MAP3K13: variants seen among roughly 807,000 people sequenced by gnomAD.
MAP3K13 encodes the protein mitogen-activated protein kinase kinase kinase 13.
Under a neutral mutation model 104.0 loss-of-function variants are expected in MAP3K13, and 52 were observed. That is an observed-to-expected ratio of 0.50 (90% CI 0.40 to 0.63). The LOEUF (loss-of-function observed/expected upper bound fraction) is 0.63. Among genes scored for constraint, MAP3K13 ranks in the 20% least tolerant of loss-of-function variants. MAP3K13 has a pLI of 0.00. For missense variants in MAP3K13, 914 were observed against 1,218.5 expected (o/e 0.75, Z 3.72); for synonymous variants, 394 against 442.2 (o/e 0.89, Z 1.37).
At chr3:185,364,536 T>A (rs1323385991) in intron 1 of MAP3K13, among the ~76,000 whole-genome samples, 1 of 152,236 alleles carries the variant, frequency 6.6e-6, no homozygotes, top group East Asian at 1.9e-4. Flanking sequence ...GATTTTTATA[T>A]TATCTTTTCT....
At chr3:185,466,142 G>A (rs902451372) in intron 9 of MAP3K13, among the ~76,000 whole-genome samples, 9 of 152,300 alleles carry the variant, frequency 5.9e-5, no homozygotes, top group Middle Eastern at 3.4e-3. Context: ...GGTGAAGACC[G>A]GGGAGCCGAT....
At chr3:185,311,275 A>G (rs1172563298) in intron 2 of MAP3K13, among the ~76,000 whole-genome samples, 1 of 152,194 alleles carries the variant, frequency 6.6e-6, no homozygotes, top group Non-Finnish European at 1.5e-5. Context: ...CCTCAGAATC[A>G]TGGCGGGAGG....
chr3:185,398,830 T>C (rs1296584224), intron 1 of MAP3K13, among the ~76,000 whole-genome samples: 2 of 152,328 alleles, frequency 1.3e-5, no homozygotes, highest in South Asian at 2.1e-4. Context: ...TCAATACAAA[T>C]ATACTCTGAT....
chr3:185,376,579 C>T (rs1425980788), intron 1 of MAP3K13, among the ~76,000 whole-genome samples: 1 of 151,878 alleles, frequency 6.6e-6, no homozygotes, highest in African/African-American at 2.4e-5. Context: ...GTGGGAGCAG[C>T]TTTTAGGGCT....
chr3:185,295,209 G>T (rs1410314086), intron 2 of MAP3K13, among the ~76,000 whole-genome samples: 1 of 151,790 alleles, frequency 6.6e-6, no homozygotes, highest in Non-Finnish European at 1.5e-5. Flanking sequence ...TGTTGTTGTT[G>T]TTGTTGTTGT....
Position 185,443,550 on chromosome 3 carries a change from G to C in MAP3K13, c.765G>C (p.Leu255Phe). 1.9e-6 allele frequency: 3 copies of C among 1,614,064 alleles called. No homozygotes were observed. Among genetic ancestry groups the C allele is most frequent in the Non-Finnish European group, 2.5e-6 (3 of 1,179,948 alleles). Residue 255 changes from leucine (L) to phenylalanine (F), a missense_variant, in exon 4 of 14, where the codon TTG (leucine) becomes TTC (phenylalanine). By Grantham distance (22) the Leu-to-Phe change is conservative (BLOSUM62 0). Coordinates refer to ENST00000265026, the MANE Select transcript of MAP3K13 (RefSeq NM_004721.5). ...CTGGCAGGAAGATCACACCTCGATT[G>C]CTAGTAGACTGGTCCACAGGAATTG... ...LRAGRKITPRLLVDWSTGIAS... is the reference protein window; with the variant it reads ...LRAGRKITPRFLVDWSTGIAS...
intron 2 of MAP3K13, among the ~76,000 whole-genome samples, chr3:185,329,679 G>A (rs1722173725): frequency 1.3e-5 from 2 of 152,140 alleles, no homozygotes; most frequent in South Asian, 4.1e-4. Flanking sequence ...CCGTGTTTCA[G>A]CTCTTCTGTC....
intron 8 of MAP3K13, among the ~76,000 whole-genome samples, chr3:185,464,769 T>C (rs537221391): frequency 3.6e-4 from 55 of 152,228 alleles, no homozygotes; most frequent in Non-Finnish European, 7.6e-4. Flanking sequence ...ACAACAGAAA[T>C]GTATTGGTCA....
Position 185,480,427 on chromosome 3 carries a change from A to G in MAP3K13, c.2697A>G (p.Ile899Met). 1.2e-6 allele frequency: 2 copies of G among 1,614,180 alleles called. No homozygotes were observed. The highest frequency in any genetic ancestry group is 1.7e-6 in the Non-Finnish European group (2 of 1,180,032). ...AGACGCCAGAGATTCCCATTGACAT[A>G]TCCTCACACTCGGATGGGCTCTCTG... ...LSQTPEIPID[I>M]SSHSDGLSDK... Residue 899 changes from isoleucine to methionine, a missense_variant, in exon 13 of 14, where the codon ATA becomes ATG. Transcript: ENST00000265026.
intron 2 of MAP3K13, among the ~76,000 whole-genome samples, chr3:185,436,438 G>A (rs534338561): frequency 3.1e-4 from 47 of 152,244 alleles, no homozygotes; most frequent in Admixed American, 1.0e-3. Context: ...AGCACTCTTC[G>A]TAAAATTGGC....
At chr3:185,376,523 C>T (rs541900791) in intron 1 of MAP3K13, among the ~76,000 whole-genome samples, 3 of 152,178 alleles carry the variant, frequency 2.0e-5, no homozygotes, top group East Asian at 1.9e-4. Flanking sequence ...CCCTGCACTT[C>T]GGCTGTATGT....
rs574629192 is a variant in MAP3K13, at chr3:185,447,900, G to A, written c.963G>A (p.Ala321=). 6 of 1,613,792 alleles carry A rather than the reference G, an allele frequency of 3.7e-6. No homozygotes were observed. The highest frequency in any genetic ancestry group is 2.2e-5 in the East Asian group (1 of 44,890). Reference sequence around the variant, plus strand: ...TTGCTGGCACGGTCGCATGGATGGCGCCAGAGGTGATACGGAATGAACCTG... The same window carrying A: ...TTGCTGGCACGGTCGCATGGATGGCACCAGAGGTGATACGGAATGAACCTG... The part of the protein sequence containing the change: ...MSFAGTVAWM[A]PEVIRNEPVS... Residue 321 remains alanine (A), a synonymous_variant, in exon 5 of 14, where the codon GCG becomes GCA. Transcript: ENST00000265026.
chr3:185,414,151 T>C (rs1199494099), intron 1 of MAP3K13, among the ~76,000 whole-genome samples: 1 of 152,180 alleles, frequency 6.6e-6, no homozygotes, highest in Non-Finnish European at 1.5e-5. Context: ...TGCCCCAATT[T>C]TTCACCAATT....
At chr3:185,390,916 G>A (rs1712014171) in intron 1 of MAP3K13, among the ~76,000 whole-genome samples, 1 of 151,944 alleles carries the variant, frequency 6.6e-6, no homozygotes, top group Non-Finnish European at 1.5e-5. Flanking sequence ...CCACTGCGCT[G>A]GGCCGATATT....
At chr3:185,316,461 C>T (rs780463535) in intron 2 of MAP3K13, among the ~76,000 whole-genome samples, 8 of 152,042 alleles carry the variant, frequency 5.3e-5, no homozygotes, top group Non-Finnish European at 7.4e-5. Flanking sequence ...GGCAACATGG[C>T]GAAACCCCGT....
At chr3:185,317,662 T>C (rs1439664737) in intron 2 of MAP3K13, among the ~76,000 whole-genome samples, 1 of 152,188 alleles carries the variant, frequency 6.6e-6, no homozygotes, top group East Asian at 1.9e-4. Flanking sequence ...GTAAATTTCT[T>C]GAAGTGGGTA....
intron 1 of MAP3K13, among the ~76,000 whole-genome samples, chr3:185,379,618 G>T (rs1250206655): frequency 6.6e-6 from 1 of 152,188 alleles, no homozygotes; most frequent in Non-Finnish European, 1.5e-5. Context: ...ACGTGTCTGT[G>T]TGAAGAGACC....
intron 3 of MAP3K13, among the ~76,000 whole-genome samples, chr3:185,440,639 A>C (rs1342715915): frequency 6.6e-6 from 1 of 152,216 alleles, no homozygotes; most frequent in Non-Finnish European, 1.5e-5. Flanking sequence ...TGACAGGCAC[A>C]TCAGGGCAGG....
At chr3:185,287,115 A>G (rs1411339988) in intron 2 of MAP3K13, among the ~76,000 whole-genome samples, 1 of 152,198 alleles carries the variant, frequency 6.6e-6, no homozygotes, top group African/African-American at 2.4e-5. Flanking sequence ...AGATCTTAAG[A>G]ATACTCAGTG....
Sources: gnomAD v4.1 joint callset for allele counts (sites outside exome capture counted in the v4.1 genomes callset) on GRCh38, gnomAD v4.1.1 for gene constraint, MANE v1.5 for transcripts, NCBI Gene and HGNC (gene_info 2026-07-23, HGNC 2026-07-21) for gene names.